The following RALYL variants were observed in gnomAD, a reference collection of about 807,000 sequenced individuals.
RALYL encodes RNA-binding Raly-like protein.
A neutral mutation model predicts 35.1 loss-of-function variants in RALYL; 29 were observed. The observed-to-expected ratio is 0.83, with a 90% confidence interval of 0.61 to 1.13. The LOEUF (loss-of-function observed/expected upper bound fraction) is 1.13. Ranked by LOEUF, RALYL falls within the 50% of genes most tolerant of loss-of-function variation. The probability of loss-of-function intolerance (pLI) is 0.00; values close to 1 mark genes in which losing one functional copy is unlikely to be tolerated. For synonymous variants in RALYL, 120 were observed against 127.6 expected (o/e 0.94, Z 0.40); for missense variants, 359 against 360.4 (o/e 1.00, Z 0.03).
chr8:84,686,808 C>T (rs73298109), intron 2 of RALYL, among the ~76,000 whole-genome samples: 3,254 of 152,068 alleles, frequency 0.021, 132 homozygotes, highest in African/African-American at 0.074. Flanking sequence ...TTTCTTATTC[C>T]CCCCAATGAC....
At chr8:84,618,062 G>A (rs1335471658) in intron 2 of RALYL, among the ~76,000 whole-genome samples, 2 of 151,624 alleles carry the variant, frequency 1.3e-5, no homozygotes, top group Non-Finnish European at 2.9e-5. Context: ...CTCTTTTTTG[G>A]TTGTGTCTCT....
At chr8:84,465,198 A>G (rs1419705256) in intron 1 of RALYL, among the ~76,000 whole-genome samples, 39 of 126,754 alleles carry the variant, frequency 3.1e-4, no homozygotes, top group South Asian at 5.8e-4. Context: ...TTGGTGTTTT[A>G]GACATGAAGT....
chr8:84,855,642 G>A (rs559006316), intron 5 of RALYL, among the ~76,000 whole-genome samples: 1 of 152,202 alleles, frequency 6.6e-6, no homozygotes, highest in Non-Finnish European at 1.5e-5. Flanking sequence ...TACATTAAAC[G>A]TAAGTATTTA....
chr8:84,829,742 G>C (rs1469161267), intron 4 of RALYL, among the ~76,000 whole-genome samples: 1 of 152,176 alleles, frequency 6.6e-6, no homozygotes, highest in Non-Finnish European at 1.5e-5. Context: ...CACTGAGTTA[G>C]CAAATACTGA....
intron 4 of RALYL, among the ~76,000 whole-genome samples, chr8:84,848,637 G>A (rs987150424): frequency 6.6e-6 from 1 of 152,096 alleles, no homozygotes. Context: ...GGCTGGAGAG[G>A]CAGGAATGGG....
At chr8:84,196,664 A>G (rs941852082) in intron 1 of RALYL, among the ~76,000 whole-genome samples, 2 of 152,204 alleles carry the variant, frequency 1.3e-5, no homozygotes, top group African/African-American at 2.4e-5. Context: ...TAGAGTGTTC[A>G]TAGAGGCTTC....
chr8:84,445,762 C>T (rs951180244), intron 1 of RALYL, among the ~76,000 whole-genome samples: 2 of 151,540 alleles, frequency 1.3e-5, no homozygotes, highest in Non-Finnish European at 2.9e-5. Flanking sequence ...TGGGCTCCCT[C>T]TTGTGACAAC....
At chr8:84,221,619 A>G (rs992310012) in intron 1 of RALYL, among the ~76,000 whole-genome samples, 1 of 152,068 alleles carries the variant, frequency 6.6e-6, no homozygotes, top group Non-Finnish European at 1.5e-5. Flanking sequence ...AAGGTACTGT[A>G]TGTCAAATAT....
chr8:84,682,561 A>T (rs1390590126), intron 2 of RALYL, among the ~76,000 whole-genome samples: 1 of 152,032 alleles, frequency 6.6e-6, no homozygotes, highest in Non-Finnish European at 1.5e-5. Context: ...TTCCTGGTTT[A>T]GTGTTGGGAG....
At chr8:84,906,565 G>T (rs1164939791) in intron 8 of RALYL, among the ~76,000 whole-genome samples, 1 of 151,860 alleles carries the variant, frequency 6.6e-6, no homozygotes, top group Non-Finnish European at 1.5e-5. Flanking sequence ...AAGAAAGTGG[G>T]GCACTTTTCT....
chr8:84,246,138 T>C (rs984590643), intron 1 of RALYL, among the ~76,000 whole-genome samples: 2 of 152,000 alleles, frequency 1.3e-5, no homozygotes, highest in African/African-American at 4.8e-5. Flanking sequence ...CCCCAAGAGG[T>C]AGACAACAGC....
At chr8:84,681,477 A>G (rs941486212) in intron 2 of RALYL, among the ~76,000 whole-genome samples, 1 of 151,288 alleles carries the variant, frequency 6.6e-6, no homozygotes, top group South Asian at 2.1e-4. Flanking sequence ...ATCCATGAGC[A>G]TGGAATGCCC....
At chr8:84,226,768 A>G (rs112086017) in intron 1 of RALYL, among the ~76,000 whole-genome samples, 36 of 152,322 alleles carry the variant, frequency 2.4e-4, no homozygotes, top group Middle Eastern at 3.4e-3. Flanking sequence ...TAATTTCTCT[A>G]TACGGTGTTT....
intron 1 of RALYL, among the ~76,000 whole-genome samples, chr8:84,347,379 C>T (rs923291611): frequency 6.6e-6 from 1 of 151,936 alleles, no homozygotes; most frequent in Admixed American, 6.6e-5. Flanking sequence ...CCACCCTATC[C>T]GTATCATTTC....
intron 6 of RALYL, among the ~76,000 whole-genome samples, chr8:84,870,485 T>A (rs1360959467): frequency 6.6e-6 from 1 of 151,978 alleles, no homozygotes. Flanking sequence ...TTGACAAGTT[T>A]TTTTTGTGGT....
chr8:84,733,128 T>A (rs1450448310), intron 2 of RALYL, among the ~76,000 whole-genome samples: 5 of 152,110 alleles, frequency 3.3e-5, no homozygotes, highest in African/African-American at 1.2e-4. Flanking sequence ...ACTATTAAAT[T>A]CCCTTTTTCC....
intron 1 of RALYL, among the ~76,000 whole-genome samples, chr8:84,390,303 C>A (rs1860342107): frequency 6.6e-6 from 1 of 151,996 alleles, no homozygotes; most frequent in African/African-American, 2.4e-5. Context: ...CCAAAATTCT[C>A]TTTTTTGGTT....
chr8:84,328,873 C>T (rs953555860), intron 1 of RALYL, among the ~76,000 whole-genome samples: 2 of 152,102 alleles, frequency 1.3e-5, no homozygotes, highest in Non-Finnish European at 2.9e-5. Flanking sequence ...GTTTTCTGTT[C>T]CTGCATTGAT....
intron 2 of RALYL, among the ~76,000 whole-genome samples, chr8:84,532,826 A>C (rs2059360504): frequency 6.6e-6 from 1 of 152,076 alleles, no homozygotes; most frequent in African/African-American, 2.4e-5. Flanking sequence ...TCAGTTCTTA[A>C]AGTTTTATGA....
Sources: allele counts gnomAD v4.1 joint callset (sites outside exome capture counted in the v4.1 genomes callset), GRCh38; gene constraint gnomAD v4.1.1; transcripts MANE v1.5; gene names NCBI Gene and HGNC (gene_info 2026-07-23, HGNC 2026-07-21).